NCOA2: variants seen among roughly 807,000 people sequenced by gnomAD.
The protein encoded by NCOA2 is class E basic helix-loop-helix protein 75.
A neutral mutation model predicts 145.1 loss-of-function variants in NCOA2; 21 were observed. The ratio of observed to expected loss-of-function variants is 0.14; its 90% confidence interval spans 0.10 to 0.21. The LOEUF (loss-of-function observed/expected upper bound fraction) is 0.21. Ranked by LOEUF, NCOA2 falls within the 10% of genes least tolerant of loss-of-function variation. The pLI, the probability that NCOA2 is intolerant of heterozygous loss-of-function variation, is 1.00. For synonymous variants in NCOA2, 619 were observed against 637.5 expected (o/e 0.97, Z 0.44); for missense variants, 1,472 against 1,837.6 (o/e 0.80, Z 3.64).
At chr8:70,441,400 A>AG in the NCOA2 span, among the ~76,000 whole-genome samples, 2 of 146,644 alleles carry the variant, frequency 1.4e-5, no homozygotes, top group Non-Finnish European at 3.0e-5. Flanking sequence ...GAAAGAAAGA[A>AG]AAGAAGAGAG....
At chr8:70,133,495 A>G (rs998151321) in intron 15 of NCOA2, among the ~76,000 whole-genome samples, 1 of 152,182 alleles carries the variant, frequency 6.6e-6, no homozygotes. Context: ...AAGTGCTGGG[A>G]TAACAGGCGT....
chr8:70,400,771 A>G (rs368988907), intron 1 of NCOA2, among the ~76,000 whole-genome samples: 10 of 152,332 alleles, frequency 6.6e-5, no homozygotes, highest in African/African-American at 1.7e-4. Flanking sequence ...ATTTGAAAAC[A>G]CTATATTACA....
intron 13 of NCOA2, among the ~76,000 whole-genome samples, chr8:70,143,252 CTG>C (rs1585816856): frequency 2.0e-5 from 3 of 152,208 alleles, no homozygotes; most frequent in African/African-American, 7.2e-5. Context: ...CTGGCCTAGT[CTG>C]TGTTTTTTTA....
chr8:70,174,463 T>C (rs1445783660), intron 5 of NCOA2, among the ~76,000 whole-genome samples: 2 of 152,232 alleles, frequency 1.3e-5, no homozygotes, highest in South Asian at 2.1e-4. Flanking sequence ...ACACAGAATT[T>C]AGTAGGACTT....
intron 1 of NCOA2, among the ~76,000 whole-genome samples, chr8:70,373,182 C>T (rs556863474): frequency 2.6e-5 from 4 of 152,126 alleles, no homozygotes; most frequent in Admixed American, 6.6e-5. Flanking sequence ...TAAAAAACTG[C>T]GAACCTGTTT....
chr8:70,415,764 A>G, the NCOA2 span, among the ~76,000 whole-genome samples: 1 of 152,222 alleles, frequency 6.6e-6, no homozygotes, highest in South Asian at 2.1e-4. Flanking sequence ...TTTATCTACA[A>G]GTAGTTTAGA....
chr8:70,408,146 T>C (rs572225334), upstream of NCOA2, among the ~76,000 whole-genome samples: 6 of 152,034 alleles, frequency 3.9e-5, no homozygotes, highest in Admixed American at 2.6e-4. Flanking sequence ...TCTTGGCTCT[T>C]ACTAACTGGG....
chr8:70,255,686 C>A (rs767504390), intron 2 of NCOA2, among the ~76,000 whole-genome samples: 4 of 152,202 alleles, frequency 2.6e-5, no homozygotes, highest in Non-Finnish European at 4.4e-5. Flanking sequence ...AATTAAATCA[C>A]TTTTAAGCCT....
chr8:70,117,025 C>T (rs1378962712), intron 22 of NCOA2, among the ~76,000 whole-genome samples: 2 of 152,202 alleles, frequency 1.3e-5, no homozygotes, highest in African/African-American at 4.8e-5. Flanking sequence ...CTGAAAGACG[C>T]CTTTGCTGGG....
At chr8:70,194,970 G>A (rs565538259) in intron 4 of NCOA2, among the ~76,000 whole-genome samples, 2 of 152,282 alleles carry the variant, frequency 1.3e-5, no homozygotes, top group South Asian at 4.1e-4. Context: ...TTCAATGCTA[G>A]TCCTACCACT....
chr8:70,387,604 C>T (rs1365364838), intron 1 of NCOA2, among the ~76,000 whole-genome samples: 1 of 150,962 alleles, frequency 6.6e-6, no homozygotes, highest in Non-Finnish European at 1.5e-5. Context: ...TATAATGTGT[C>T]TTCCAAGTAC....
chr8:70,365,527 T>C (rs567113157), intron 1 of NCOA2, among the ~76,000 whole-genome samples: 1 of 152,212 alleles, frequency 6.6e-6, no homozygotes, highest in Non-Finnish European at 1.5e-5. Context: ...TTATACAGCA[T>C]CCTACTCTTT....
chr8:70,132,529 T>A (rs756458656), intron 15 of NCOA2, among the ~76,000 whole-genome samples: 1 of 152,208 alleles, frequency 6.6e-6, no homozygotes, highest in Non-Finnish European at 1.5e-5. Flanking sequence ...GCTGGGTTGA[T>A]AGGAAATTTC....
rs932784908 is a variant in NCOA2, at chr8:70,216,780, G to A, written c.-19-16C>T. On this transcript the variant is annotated splice_polypyrimidine_tract_variant and intron_variant, in intron 2 of 22. Transcript: ENST00000452400. ...ATATCAGCAACTAAAACAGAAAACAGAGAAGAGGAAGAAAAAAATGAAGAG... is the reference window on the plus strand; with the variant it reads ...ATATCAGCAACTAAAACAGAAAACAAAGAAGAGGAAGAAAAAAATGAAGAG... 4.0e-6 allele frequency: 6 copies of A among 1,492,392 alleles called. No homozygotes were observed. Among genetic ancestry groups the A allele is most frequent in the Non-Finnish European group, 5.6e-6 (6 of 1,070,122 alleles). 92.4% of individuals were successfully genotyped at this position (1,492,392 alleles called of 1,614,324 possible).
At chr8:70,323,642 T>C (rs1248078892) in intron 1 of NCOA2, among the ~76,000 whole-genome samples, 3 of 152,210 alleles carry the variant, frequency 2.0e-5, no homozygotes, top group African/African-American at 7.2e-5. Flanking sequence ...CTGGGGATAC[T>C]TATTACCATA....
the NCOA2 span, among the ~76,000 whole-genome samples, chr8:70,435,221 C>T: frequency 6.6e-6 from 1 of 150,834 alleles, no homozygotes; most frequent in African/African-American, 2.4e-5. Flanking sequence ...GTCAGGAGAT[C>T]GAGACCATCC....
intron 1 of NCOA2, among the ~76,000 whole-genome samples, chr8:70,360,679 T>A (rs1172938370): frequency 2.0e-5 from 3 of 152,188 alleles, no homozygotes; most frequent in African/African-American, 7.2e-5. Context: ...GGCTCATGAT[T>A]GTAATCCCAG....
chr8:70,170,144 T>C lies in NCOA2; in HGVS notation c.541+58A>G, dbSNP rs780281183. On this transcript the variant is annotated intron_variant, in intron 6 of 22. Coordinates refer to ENST00000452400, the MANE Select transcript of NCOA2 (RefSeq NM_006540.4). ...CACTTCAACCAAGACACTGTGTGTA[T>C]GAGGCAGGGCAGGTGGGGGTGACGG... is the stretch of plus-strand genomic sequence containing the variant. The C allele has an allele frequency of 1.1e-5, 16 of 1,497,010 alleles. No homozygotes were observed. The African/African-American group carries it at 1.8e-4, about 17-fold the overall frequency. 92.7% of individuals were successfully genotyped at this position (1,497,010 alleles called of 1,614,324 possible). A position where few individuals can be genotyped will look rare whatever the true frequency, so the allele number is the denominator to read the frequency against.
At chr8:70,380,818 T>C (rs1420408789) in intron 1 of NCOA2, among the ~76,000 whole-genome samples, 1 of 152,184 alleles carries the variant, frequency 6.6e-6, no homozygotes, top group Non-Finnish European at 1.5e-5. Context: ...CTCCCGTCTG[T>C]AATCCCAGCA....
Sources: allele counts gnomAD v4.1 joint callset (sites outside exome capture counted in the v4.1 genomes callset), GRCh38; gene constraint gnomAD v4.1.1; transcripts MANE v1.5; gene names NCBI Gene and HGNC (gene_info 2026-07-23, HGNC 2026-07-21).